The following IL19 variants were observed in gnomAD, a reference collection of about 807,000 sequenced individuals.
IL19 encodes the protein interleukin 19.
A neutral mutation model predicts 19.5 loss-of-function variants in IL19; 15 were observed. The observed-to-expected ratio is 0.77, with a 90% confidence interval of 0.52 to 1.19. The LOEUF is 1.19. Ranked by LOEUF, IL19 falls within the 50% of genes most tolerant of loss-of-function variation. The pLI is 0.00. For synonymous variants in IL19, 78 were observed against 78.3 expected, an observed-to-expected ratio of 1.00 and a Z score of 0.02; for missense variants, 199 against 213.1, an observed-to-expected ratio of 0.93 and a Z score of 0.41.
At chr1:206,836,527 T>C in intron 2 of IL19, 134 bp from the exon 3 acceptor site, 1 of 785,784 alleles carries the variant, frequency 1.3e-6, no homozygotes, top group Non-Finnish European at 2.0e-6. Context: ...TCCTCAAGGC[T>C]GAAGTGTTTA....
chr1:206,811,414 A>G (rs1386961579), intron 2 of IL19, among the ~76,000 whole-genome samples: 2 of 147,170 alleles, frequency 1.4e-5, no homozygotes, highest in Admixed American at 6.9e-5. Context: ...ACTGCACTCC[A>G]GCCTGGGTGA....
chr1:206,814,926 A>C (rs1426990608), intron 2 of IL19, among the ~76,000 whole-genome samples: 1 of 152,226 alleles, frequency 6.6e-6, no homozygotes, highest in Non-Finnish European at 1.5e-5. Flanking sequence ...GTTCTGTGTC[A>C]CTAATCATCT....
chr1:206,813,321 C>T (rs1676065510), intron 2 of IL19, among the ~76,000 whole-genome samples: 1 of 152,218 alleles, frequency 6.6e-6, no homozygotes, highest in Non-Finnish European at 1.5e-5. Flanking sequence ...TTCCCGTCTG[C>T]TTGTGGTTCC....
At position 206,805,041 on chromosome 1, in the gene IL19, T is replaced by C. The variant is rs114452255; in HGVS notation, c.-3+6035T>C. Among the ~76,000 whole-genome samples the C allele has an allele frequency of 9.2e-3, 1,395 of 152,358 alleles. 21 individuals carry two copies. Among genetic ancestry groups the C allele is most frequent in the African/African-American group, 0.032 (1,339 of 41,568 alleles). On this transcript the variant is annotated intron_variant, in intron 2 of 6. Transcript: ENST00000659997. ...CACTAAATGATCACCTGCTACCTGC[T>C]GTCTGCATACCTGGCTCTGCTTCTA...
chr1:206,790,144 A>T (rs540458709), intron 1 of IL19, among the ~76,000 whole-genome samples: 6 of 152,328 alleles, frequency 3.9e-5, no homozygotes, highest in African/African-American at 1.4e-4. Flanking sequence ...ACTAATATAC[A>T]TTCCTACCAG....
chr1:206,826,163 C>T (rs1419396145), intron 2 of IL19, among the ~76,000 whole-genome samples: 2 of 152,142 alleles, frequency 1.3e-5, no homozygotes, highest in Admixed American at 6.5e-5. Context: ...GAAGATAATG[C>T]GGTGAGGGCA....
chr1:206,780,386 A>C (rs1675102075), intron 1 of IL19, among the ~76,000 whole-genome samples: 1 of 152,188 alleles, frequency 6.6e-6, no homozygotes, highest in Non-Finnish European at 1.5e-5. Context: ...TGTGCTTCCT[A>C]AACTTTTTGT....
intron 1 of IL19, chr1:206,771,344 C>G: frequency 6.8e-6 from 11 of 1,612,244 alleles, no homozygotes; most frequent in Non-Finnish European, 9.3e-6. Flanking sequence ...AGCACCCCGC[C>G]CCTGCTCTCA....
intron 1 of IL19, among the ~76,000 whole-genome samples, chr1:206,781,904 CATATAT>C (rs1324440408): frequency 1.7e-5 from 2 of 120,174 alleles, no homozygotes; most frequent in African/African-American, 7.3e-5. Context: ...GTTATATATA[CATATAT>C]ATGTATATAG....
At chr1:206,795,035 C>T (rs1462008961) in intron 1 of IL19, among the ~76,000 whole-genome samples, 4 of 152,222 alleles carry the variant, frequency 2.6e-5, no homozygotes, top group Non-Finnish European at 5.9e-5. Context: ...CCAGCTAAAG[C>T]AACCTTGGCT....
chr1:206,821,775 T>G (rs1676295412), intron 2 of IL19, among the ~76,000 whole-genome samples: 1 of 152,228 alleles, frequency 6.6e-6, no homozygotes, highest in Non-Finnish European at 1.5e-5. Flanking sequence ...TGCTCTGGTA[T>G]GCCGCCACCC....
At chr1:206,774,485 C>T (rs189471282) in intron 1 of IL19, among the ~76,000 whole-genome samples, 5 of 152,290 alleles carry the variant, frequency 3.3e-5, no homozygotes, top group Admixed American at 1.3e-4. Context: ...TGTTAGCCTG[C>T]AGGTCTAACC....
At chr1:206,838,802 C>T (rs893705203) in intron 4 of IL19, among the ~76,000 whole-genome samples, 24 of 138,230 alleles carry the variant, frequency 1.7e-4, no homozygotes, top group African/African-American at 5.5e-4. Flanking sequence ...TTCCCTTCCT[C>T]TCTCCTTCCC....
At chr1:206,771,675 T>C (rs1280666494) in intron 1 of IL19, among the ~76,000 whole-genome samples, 1 of 152,216 alleles carries the variant, frequency 6.6e-6, no homozygotes, top group East Asian at 1.9e-4. Flanking sequence ...GACTCAGTCC[T>C]GGTCTTCTTT....
chr1:206,781,305 G>A lies in IL19; in HGVS notation c.-149+10227G>A, dbSNP rs527686982. Among the ~76,000 whole-genome samples the A allele has an allele frequency of 1.7e-3, 261 of 150,824 alleles. 1 individual carries two copies. The highest frequency in any genetic ancestry group is 0.012 in the South Asian group (55 of 4,744). On this transcript the variant is annotated intron_variant, in intron 1 of 6. Coordinates refer to ENST00000659997, the MANE Select transcript of IL19 (RefSeq NM_153758.5). ...CTAAAAATACAAAAATTAGCTGGGC[G>A]TGGTGAGGCTGAGGCAGGAGAATCA... is the stretch of plus-strand genomic sequence containing the variant.
At chr1:206,791,303 T>A (rs1217188323) in intron 1 of IL19, among the ~76,000 whole-genome samples, 1 of 22,754 alleles carries the variant, frequency 4.4e-5, no homozygotes, top group Non-Finnish European at 2.2e-4. Flanking sequence ...GTCCTTAGGT[T>A]TTTTTTTTTT....
chr1:206,819,938 T>G (rs1434873467), intron 2 of IL19, among the ~76,000 whole-genome samples: 1 of 152,212 alleles, frequency 6.6e-6, no homozygotes, highest in Non-Finnish European at 1.5e-5. Flanking sequence ...TATGTCTATC[T>G]AACCCCAAAG....
At chr1:206,772,655 G>T (rs942682713) in intron 1 of IL19, among the ~76,000 whole-genome samples, 1 of 152,018 alleles carries the variant, frequency 6.6e-6, no homozygotes, top group Admixed American at 6.5e-5. Flanking sequence ...TTTTTGCATC[G>T]TAAGCAAAAA....
chr1:206,772,126 G>A, intron 1 of IL19: 1 of 763,456 alleles, frequency 1.3e-6, no homozygotes, highest in South Asian at 1.5e-5. Context: ...GCTTGATCTA[G>A]GATTCTCTTA....
Sources: gnomAD v4.1 joint callset for allele counts (sites outside exome capture counted in the v4.1 genomes callset) on GRCh38, gnomAD v4.1.1 for gene constraint, MANE v1.5 for transcripts, NCBI Gene and HGNC (gene_info 2026-07-23, HGNC 2026-07-21) for gene names.